Variants in MYO16 observed in about 807,000 individuals in gnomAD.
The protein encoded by MYO16 is myosin XVI.
MYO16 carries 94 observed loss-of-function variants against 205.3 expected under a neutral mutation model. The observed-to-expected ratio is 0.46, with a 90% CI of 0.39 to 0.54. The LOEUF is 0.54. MYO16 is among the 20% of genes least tolerant of loss of function. MYO16 has a pLI of 0.00. For synonymous variants in MYO16, 988 were observed against 954.0 expected, an observed-to-expected ratio of 1.04 and a Z score of -0.66; for missense variants, 2,315 against 2,387.5, an observed-to-expected ratio of 0.97 and a Z score of 0.63.
rs190747127 is a variant in MYO16, at chr13:109,038,877, T to A, written c.2797-8039T>A. Among the ~76,000 whole-genome samples, 403 of 152,246 alleles carry A rather than the reference T, an allele frequency of 2.6e-3. 2 individuals are homozygous for A. Among genetic ancestry groups the A allele is most frequent in the African/African-American group, 9.1e-3 (379 of 41,528 alleles). On this transcript the variant is annotated intron_variant, in intron 23 of 34. Transcript: ENST00000457511. ...TAGGATCTTATTACTGTGCTAAGAT[T>A]CTAAATGGATATTTTTCTCCTAGCT...
In MYO16 at chr13:109,007,432, C is replaced by A. The variant is rs1885432043; in HGVS notation, c.2443-1465C>A. ...AAAGAAATGTGCACATTGCTGATGA[C>A]TTCTACAAAAGCAAGTTTGATGGCG... is the stretch of plus-strand genomic sequence containing the variant. On this transcript the variant is annotated intron_variant, in intron 21 of 34. Coordinates refer to ENST00000457511, the MANE Select transcript of MYO16 (RefSeq NM_001198950.3). 2.0e-5 allele frequency among the ~76,000 whole-genome samples: 3 copies of A among 151,322 alleles called. No homozygotes were observed. The South Asian group carries it at 6.3e-4, about 32-fold the overall frequency.
chr13:108,540,899 A>G, the MYO16 span, among the ~76,000 whole-genome samples: 9 of 152,198 alleles, frequency 5.9e-5, no homozygotes, highest in Admixed American at 4.6e-4. Context: ...TCACAAATAT[A>G]TAGCAAAATT....
At chr13:108,746,174 C>T (rs866317636) in intron 4 of MYO16, among the ~76,000 whole-genome samples, 19 of 151,964 alleles carry the variant, frequency 1.3e-4, no homozygotes, top group South Asian at 6.2e-4. Flanking sequence ...GCCTGGGCTA[C>T]GGAGCGAGAC....
At chr13:109,102,000 G>C (rs1888982445) in intron 28 of MYO16, 1 of 152,152 alleles carries the variant, frequency 6.6e-6, no homozygotes, top group South Asian at 2.1e-4. Context: ...ATCTGTCTAT[G>C]ACAAAGAACA....
intron 16 of MYO16, among the ~76,000 whole-genome samples, chr13:108,951,262 T>G (rs959729651): frequency 3.9e-5 from 6 of 152,218 alleles, no homozygotes; most frequent in Non-Finnish European, 8.8e-5. Context: ...TTCCTTCCTT[T>G]TAGTTGCACT....
At chr13:108,996,607 C>T (rs1670058063) in intron 21 of MYO16, among the ~76,000 whole-genome samples, 1 of 152,096 alleles carries the variant, frequency 6.6e-6, no homozygotes, top group South Asian at 2.1e-4. Flanking sequence ...CAAATGAGTC[C>T]ACCTTTGAGG....
At chr13:108,690,425 A>G (rs1882850855) in intron 2 of MYO16, among the ~76,000 whole-genome samples, 1 of 48,168 alleles carries the variant, frequency 2.1e-5, no homozygotes, top group African/African-American at 1.0e-4. Flanking sequence ...ACCACGAGCT[A>G]TGGGGGTGCT....
chr13:108,844,262 C>A, intron 9 of MYO16, 81 bp from the exon 10 acceptor site: 2 of 1,158,884 alleles, frequency 1.7e-6, no homozygotes, highest in Middle Eastern at 2.2e-4. Context: ...CCGTCATAGT[C>A]CAACTATCCT....
chr13:109,035,569 A>AG (rs1477810862), intron 23 of MYO16, among the ~76,000 whole-genome samples: 1 of 152,198 alleles, frequency 6.6e-6, no homozygotes, highest in East Asian at 1.9e-4. Flanking sequence ...CTGCAATCCC[A>AG]GCTACTCAGG....
chr13:108,882,439 T>C (rs1879661412), intron 12 of MYO16, among the ~76,000 whole-genome samples: 2 of 152,208 alleles, frequency 1.3e-5, no homozygotes, highest in Admixed American at 6.5e-5. Flanking sequence ...AGTTATTTTG[T>C]ACAATAAAAA....
rs574850017 is a variant in MYO16, at chr13:108,795,876, GGATA to G, written c.741+2243_741+2246del. ...ATGTTGGTCATATTGTTGCCATTTT[GGATA>G]GATAGAGAGGAAAGATCTAACCAAC... On this transcript the variant is annotated intron_variant, in intron 6 of 34. Coordinates refer to ENST00000457511, the MANE Select transcript of MYO16 (RefSeq NM_001198950.3). 5.3e-3 allele frequency among the ~76,000 whole-genome samples: 801 copies of G among 152,244 alleles called. 4 individuals are homozygous for G. Among genetic ancestry groups the G allele is most frequent in the African/African-American group, 0.018 (756 of 41,534 alleles).
intron 2 of MYO16, among the ~76,000 whole-genome samples, chr13:108,690,637 T>C (rs959352692): frequency 6.3e-4 from 96 of 152,278 alleles, no homozygotes; most frequent in African/African-American, 2.2e-3. Flanking sequence ...AAGTTGGCAG[T>C]GAATCTAATA....
intron 1 of MYO16, among the ~76,000 whole-genome samples, chr13:108,608,483 T>C (rs1879044901): frequency 6.6e-6 from 1 of 152,194 alleles, no homozygotes; most frequent in African/African-American, 2.4e-5. Context: ...AATTACACCA[T>C]TCCTGTTCTT....
At chr13:108,850,692 A>G (rs1426986666) in intron 10 of MYO16, among the ~76,000 whole-genome samples, 1 of 152,170 alleles carries the variant, frequency 6.6e-6, no homozygotes, top group Admixed American at 6.6e-5. Flanking sequence ...ATCTATAAAG[A>G]ATCTGCTCCT....
At chr13:108,562,217 T>A in the MYO16 span, among the ~76,000 whole-genome samples, 8 of 152,258 alleles carry the variant, frequency 5.3e-5, no homozygotes, top group Non-Finnish European at 1.0e-4. Flanking sequence ...TCATCTCACA[T>A]GACAAATAAA....
intron 21 of MYO16, among the ~76,000 whole-genome samples, chr13:109,005,264 A>G (rs1034507445): frequency 1.3e-5 from 2 of 152,164 alleles, no homozygotes. Flanking sequence ...TCATGTTGTA[A>G]TAGAATGTTT....
At chr13:109,198,086 T>C (rs1161398199) in intron 34 of MYO16, among the ~76,000 whole-genome samples, 1 of 152,136 alleles carries the variant, frequency 6.6e-6, no homozygotes, top group East Asian at 1.9e-4. Context: ...AGAAAATCTA[T>C]TACATATTAA....
chr13:108,639,608 T>C (rs1248751360), intron 1 of MYO16, among the ~76,000 whole-genome samples: 1 of 152,204 alleles, frequency 6.6e-6, no homozygotes, highest in Non-Finnish European at 1.5e-5. Flanking sequence ...CTAAGGACTT[T>C]TTCTGAAAGC....
chr13:108,570,466 T>C, the MYO16 span, among the ~76,000 whole-genome samples: 28 of 152,242 alleles, frequency 1.8e-4, no homozygotes, highest in South Asian at 5.4e-3. Context: ...CCCAGCCTGA[T>C]CTAAAACTCC....
Sources: allele counts gnomAD v4.1 joint callset (sites outside exome capture counted in the v4.1 genomes callset), GRCh38; gene constraint gnomAD v4.1.1; transcripts MANE v1.5; gene names NCBI Gene and HGNC (gene_info 2026-07-23, HGNC 2026-07-21).